Variants in TCF7L2 observed in about 807,000 individuals in gnomAD.
TCF7L2 encodes the protein transcription factor 7-like 2.
A neutral mutation model predicts 77.9 loss-of-function variants in TCF7L2; 23 were observed. The observed-to-expected ratio is 0.30, with a 90% CI of 0.21 to 0.42. TCF7L2 has a LOEUF of 0.42. TCF7L2 is among the 10% of genes least tolerant of loss of function. The pLI, the probability that TCF7L2 is intolerant of heterozygous loss-of-function variation, is 1.00. For synonymous variants in TCF7L2, 413 were observed against 340.2 expected, an observed-to-expected ratio of 1.21 and a Z score of -2.36; for missense variants, 654 against 793.1, an observed-to-expected ratio of 0.82 and a Z score of 2.11.
chr10:113,031,660 A>C (rs1356281753), intron 4 of TCF7L2, among the ~76,000 whole-genome samples: 5 of 151,726 alleles, frequency 3.3e-5, no homozygotes, highest in Non-Finnish European at 5.9e-5. Flanking sequence ...GCTAATTTTT[A>C]TATTTTTTGG....
intron 4 of TCF7L2, among the ~76,000 whole-genome samples, chr10:112,965,199 A>G (rs1423045093): frequency 6.6e-6 from 1 of 152,174 alleles, no homozygotes; most frequent in South Asian, 2.1e-4. Flanking sequence ...ATGACACTAA[A>G]TGTGCTGGAA....
intron 5 of TCF7L2, among the ~76,000 whole-genome samples, chr10:113,098,234 C>G (rs897093271): frequency 6.6e-6 from 1 of 151,916 alleles, no homozygotes; most frequent in Admixed American, 6.6e-5. Flanking sequence ...TTGGACCTTT[C>G]CTGTTTGGGA....
Position 113,040,101 on chromosome 10 carries a change from G to A in TCF7L2, c.527G>A (p.Arg176Gln), listed in dbSNP as rs1023635345. The change falls in exon 5 of 14, where the codon CGG becomes CAG. Residue 176 changes from arginine to glutamine, a missense_variant. This residue lies in a region of TCF7L2 where 179 missense variants were observed against 270.6 expected (regional missense o/e 0.66). Coordinates refer to ENST00000627217, the MANE Select transcript of TCF7L2 (RefSeq NM_001146274.2). ...AGTAGACAAGCCCTCAAGGATGCCC[G>A]GTCCCCATCACCGGCACACATTGTC... The A allele has an allele frequency of 1.4e-5, 23 of 1,613,610 alleles. No homozygotes were observed. In the East Asian group the frequency reaches 1.8e-4, roughly 13 times the overall value.
intron 5 of TCF7L2, among the ~76,000 whole-genome samples, chr10:113,134,346 G>A (rs2067077928): frequency 6.6e-6 from 1 of 152,224 alleles, no homozygotes; most frequent in Admixed American, 6.5e-5. Context: ...GCAAAAGCAA[G>A]TGTTGGCCTG....
rs116423120 is a variant in TCF7L2, at chr10:113,077,073, G to T, written c.552+36947G>T. On this transcript the variant is annotated intron_variant, in intron 5 of 13. Coordinates refer to ENST00000627217, the MANE Select transcript of TCF7L2 (RefSeq NM_001146274.2). ...AGTTATCATCCCTTCCTGATTTGGGGTGCTAAGACCTGTGGTCCCCTTCTT... is the reference window on the plus strand; with the variant it reads ...AGTTATCATCCCTTCCTGATTTGGGTTGCTAAGACCTGTGGTCCCCTTCTT... Among the ~76,000 whole-genome samples the T allele has an allele frequency of 3.3e-3, 507 of 152,234 alleles. 3 individuals are homozygous for T. Among genetic ancestry groups the T allele is most frequent in the African/African-American group, 0.012 (484 of 41,536 alleles).
chr10:112,986,313 G>A (rs182343348), intron 4 of TCF7L2, among the ~76,000 whole-genome samples: 3 of 152,098 alleles, frequency 2.0e-5, no homozygotes, highest in East Asian at 1.9e-4. Context: ...AGCTTGTTTC[G>A]CTCTGAGAGT....
rs144271602 is a variant in TCF7L2 at position 113,017,452 on chromosome 10, G to A, written c.451-22573G>A. Among the ~76,000 whole-genome samples, 18 of 152,338 alleles carry A rather than the reference G, an allele frequency of 1.2e-4. No homozygotes were observed. The East Asian group carries it at 2.1e-3, about 18-fold the overall frequency. ...GGTGGACTTTTCACCTGCCCATGCC[G>A]TCTTCTTTGCAAACTTTACTGCAGT... On this transcript the variant is annotated intron_variant, in intron 4 of 13. Coordinates refer to ENST00000627217, the MANE Select transcript of TCF7L2 (RefSeq NM_001146274.2).
chr10:113,029,587 C>T (rs1367851166), intron 4 of TCF7L2, among the ~76,000 whole-genome samples: 4 of 144,276 alleles, frequency 2.8e-5, no homozygotes, highest in Non-Finnish European at 4.5e-5. Context: ...AGTGCAATGG[C>T]GTGATCTCGG....
At chr10:112,981,003 G>A (rs2040383035) in intron 4 of TCF7L2, among the ~76,000 whole-genome samples, 1 of 152,208 alleles carries the variant, frequency 6.6e-6, no homozygotes, top group Admixed American at 6.5e-5. Flanking sequence ...CTGAAGCAAT[G>A]TATAAAGACA....
In TCF7L2 at chr10:113,107,119, A is replaced by G. The variant is rs150236207; in HGVS notation, c.553-34065A>G. Among the ~76,000 whole-genome samples, 717 of 152,338 alleles carry G rather than the reference A, an allele frequency of 4.7e-3. 5 individuals are homozygous for G. Among genetic ancestry groups the G allele is most frequent in the African/African-American group, 0.016 (681 of 41,586 alleles). ...GCAAGTTTGTTTTGACTTGCAGCCC[A>G]TCATGGGAGTGAAACTCTCATTATG... On this transcript the variant is annotated intron_variant, in intron 5 of 13. Transcript: ENST00000627217.
chr10:113,079,866 C>T (rs1173599577), intron 5 of TCF7L2, among the ~76,000 whole-genome samples: 2 of 152,086 alleles, frequency 1.3e-5, no homozygotes, highest in Non-Finnish European at 2.9e-5. Flanking sequence ...CCATGTTGGC[C>T]AGGCTGGTCT....
chr10:112,950,620 A>C lies in TCF7L2; in HGVS notation c.-137A>C. The C allele has an allele frequency of 1.4e-6, 1 of 712,842 alleles. No homozygotes were observed. 44.2% of individuals were successfully genotyped at this position (712,842 alleles called of 1,614,324 possible). The stretch of plus-strand genomic sequence containing the variant: ...CCCCAGGAGAAAAAGACCCCCAAGC[A>C]GAAAAAAGTTCACCTTGGACTCGTC... On this transcript the variant is annotated 5_prime_UTR_variant, in exon 1 of 14. Transcript: ENST00000627217.
At chr10:113,155,531 A>G (rs1408363049) in intron 11 of TCF7L2, among the ~76,000 whole-genome samples, 1 of 152,214 alleles carries the variant, frequency 6.6e-6, no homozygotes, top group African/African-American at 2.4e-5. Context: ...CTAAATGACA[A>G]CTTCTTCAGT....
At chr10:113,051,185 C>T (rs568675916) in intron 5 of TCF7L2, among the ~76,000 whole-genome samples, 29 of 148,148 alleles carry the variant, frequency 2.0e-4, no homozygotes, top group Non-Finnish European at 3.6e-4. Context: ...CAATTGCCTT[C>T]ATACATGTGC....
intron 6 of TCF7L2, 24 bp downstream of exon 6, chr10:113,141,340 A>G (rs754416153): frequency 1.9e-6 from 3 of 1,613,960 alleles, no homozygotes; most frequent in Non-Finnish European, 2.5e-6. Flanking sequence ...TACGGAGCCA[A>G]GGTAGAGTGC....
chr10:113,079,048 G>C (rs2135415017), intron 5 of TCF7L2, among the ~76,000 whole-genome samples: 1 of 152,096 alleles, frequency 6.6e-6, no homozygotes, highest in South Asian at 2.1e-4. Flanking sequence ...TGGCCAGGCT[G>C]GTCTCAAACT....
intron 8 of TCF7L2, among the ~76,000 whole-genome samples, chr10:113,149,392 G>T (rs961827186): frequency 9.9e-5 from 15 of 152,100 alleles, no homozygotes; most frequent in Non-Finnish European, 2.1e-4. Flanking sequence ...TTCACTACTG[G>T]CTTAAATTTG....
At chr10:113,159,455 C>T (rs1311567021) in intron 12 of TCF7L2, among the ~76,000 whole-genome samples, 1 of 151,272 alleles carries the variant, frequency 6.6e-6, no homozygotes, top group Non-Finnish European at 1.5e-5. Context: ...TTTTTTTAAA[C>T]TATTGTATTC....
intron 4 of TCF7L2, among the ~76,000 whole-genome samples, chr10:112,980,034 T>G (rs1207049946): frequency 6.6e-6 from 1 of 152,206 alleles, no homozygotes; most frequent in Non-Finnish European, 1.5e-5. Context: ...CTTCCAAATC[T>G]GAAGGTATTT....
Sources: allele counts gnomAD v4.1 joint callset (sites outside exome capture counted in the v4.1 genomes callset), GRCh38; gene constraint gnomAD v4.1.1; regional missense constraint gnomAD v4.1.1; transcripts MANE v1.5; gene names NCBI Gene and HGNC (gene_info 2026-07-23, HGNC 2026-07-21).